Variants in FHOD3 observed in about 807,000 individuals in gnomAD.
FHOD3 encodes formin homology 2 domain containing 3.
FHOD3 carries 90 observed loss-of-function variants against 173.0 expected under a neutral mutation model. That is an observed-to-expected ratio of 0.52 (90% CI 0.44 to 0.62). The LOEUF is 0.62. Ranked by LOEUF, FHOD3 falls within the 20% of genes least tolerant of loss-of-function variation. The probability of loss-of-function intolerance (pLI) is 0.00; values close to 1 mark genes in which losing one functional copy is unlikely to be tolerated. For missense variants in FHOD3, 1,945 were observed against 2,034.7 expected (o/e 0.96, Z 0.85); for synonymous variants, 828 against 823.0 (o/e 1.01, Z -0.10).
intron 19 of FHOD3, among the ~76,000 whole-genome samples, chr18:36,722,883 A>G (rs2040860925): frequency 6.6e-6 from 1 of 152,174 alleles, no homozygotes; most frequent in Non-Finnish European, 1.5e-5. Flanking sequence ...TTTTCCTGAG[A>G]GGAGATAGAA....
intron 5 of FHOD3, among the ~76,000 whole-genome samples, chr18:36,550,069 TTCTA>T: frequency 6.6e-6 from 1 of 151,934 alleles, no homozygotes. Context: ...TGATCTTTTC[TTCTA>T]TCTTTTATTA....
At chr18:36,768,720 A>G (rs2043244818) in intron 27 of FHOD3, among the ~76,000 whole-genome samples, 1 of 152,210 alleles carries the variant, frequency 6.6e-6, no homozygotes, top group Non-Finnish European at 1.5e-5. Flanking sequence ...AAGGCTAGAT[A>G]ATTCAAAGAT....
rs1395173595 is a variant in FHOD3, at chr18:36,594,645, G to T, written c.607-142G>T. 4.9e-6 allele frequency: 3 copies of T among 613,018 alleles called. No individual in the cohort carries two copies. The Admixed American group carries it at 8.4e-5, about 17-fold the overall frequency. 38.0% of individuals were successfully genotyped at this position (613,018 alleles called of 1,614,324 possible). On this transcript the variant is annotated intron_variant, in intron 6 of 28. Coordinates refer to ENST00000590592, the MANE Select transcript of FHOD3 (RefSeq NM_001281740.3). ...CTTCTGAGGTGTCTAATGAGGGATT[G>T]TGAGGATCTGTGAAGGAATCTGTGT...
intron 3 of FHOD3, among the ~76,000 whole-genome samples, chr18:36,449,890 T>C (rs2051722740): frequency 6.6e-6 from 1 of 152,176 alleles, no homozygotes; most frequent in South Asian, 2.1e-4. Flanking sequence ...CATATTTCTT[T>C]TTCGGAATTT....
chr18:36,502,898 T>G (rs371341107), intron 4 of FHOD3, among the ~76,000 whole-genome samples: 1 of 152,224 alleles, frequency 6.6e-6, no homozygotes, highest in East Asian at 1.9e-4. Context: ...TTCTGCTTAC[T>G]GAGAATGGGA....
chr18:36,730,605 G>T (rs1355636237), intron 19 of FHOD3, 41 bp from the exon 20 acceptor site: 2 of 1,596,190 alleles, frequency 1.3e-6, no homozygotes, highest in Non-Finnish European at 1.7e-6. Flanking sequence ...AAGGACCCAA[G>T]ATGATGCATT....
chr18:36,387,060 C>A (rs1300415359), intron 3 of FHOD3, among the ~76,000 whole-genome samples: 1 of 152,120 alleles, frequency 6.6e-6, no homozygotes, highest in African/African-American at 2.4e-5. Flanking sequence ...GGCTTAGGAG[C>A]CAAAAATACC....
intron 27 of FHOD3, among the ~76,000 whole-genome samples, chr18:36,764,974 G>C (rs1363926110): frequency 6.6e-6 from 1 of 152,218 alleles, no homozygotes; most frequent in Non-Finnish European, 1.5e-5. Context: ...TGAGGATTGG[G>C]CTTATGGTAG....
intron 6 of FHOD3, among the ~76,000 whole-genome samples, chr18:36,577,755 A>G (rs537665371): frequency 6.6e-6 from 1 of 152,222 alleles, no homozygotes; most frequent in Non-Finnish European, 1.5e-5. Context: ...ACCACCAGCC[A>G]CGCCTTGGCT....
chr18:36,465,395 C>G (rs1051521303), intron 3 of FHOD3, among the ~76,000 whole-genome samples: 14 of 152,302 alleles, frequency 9.2e-5, no homozygotes, highest in South Asian at 8.3e-4. Context: ...GTGGCTGCCT[C>G]CAGAACCATG....
At chr18:36,692,559 C>G (rs988773114) in intron 16 of FHOD3, among the ~76,000 whole-genome samples, 2 of 152,080 alleles carry the variant, frequency 1.3e-5, no homozygotes, top group South Asian at 2.1e-4. Flanking sequence ...ACAGATGTAT[C>G]TTTGTTCTTT....
intron 3 of FHOD3, among the ~76,000 whole-genome samples, chr18:36,386,848 G>C (rs1420191988): frequency 6.6e-6 from 1 of 152,084 alleles, no homozygotes; most frequent in African/African-American, 2.4e-5. Flanking sequence ...AGCTTGGGGG[G>C]ATTGGAGAAG....
At chr18:36,414,542 G>A (rs555249210) in intron 3 of FHOD3, among the ~76,000 whole-genome samples, 57 of 152,332 alleles carry the variant, frequency 3.7e-4, no homozygotes, top group Middle Eastern at 3.4e-3. Context: ...CTTACCTGAA[G>A]GCTCCAGCCA....
chr18:36,578,011 A>G (rs1008005951), intron 6 of FHOD3, among the ~76,000 whole-genome samples: 1 of 152,210 alleles, frequency 6.6e-6, no homozygotes, highest in African/African-American at 2.4e-5. Flanking sequence ...TATGGAGATC[A>G]GAGTGGCTGT....
intron 3 of FHOD3, among the ~76,000 whole-genome samples, chr18:36,444,170 G>A (rs1455839794): frequency 7.2e-6 from 1 of 138,050 alleles, no homozygotes; most frequent in Non-Finnish European, 1.5e-5. Context: ...TCCAGCATGG[G>A]CGACAGAGTG....
At chr18:36,523,783 T>G (rs1009298408) in intron 5 of FHOD3, among the ~76,000 whole-genome samples, 2 of 152,154 alleles carry the variant, frequency 1.3e-5, no homozygotes, top group Non-Finnish European at 2.9e-5. Context: ...TGATTCTAAG[T>G]AAAATATAAA....
intron 9 of FHOD3, among the ~76,000 whole-genome samples, chr18:36,619,010 G>A (rs1342314097): frequency 1.3e-5 from 2 of 152,168 alleles, no homozygotes; most frequent in African/African-American, 2.4e-5. Flanking sequence ...GAAGTCAGCA[G>A]CCTTGGGGGC....
At chr18:36,320,356 C>T (rs2044332834) in intron 1 of FHOD3, among the ~76,000 whole-genome samples, 1 of 152,174 alleles carries the variant, frequency 6.6e-6, no homozygotes, top group East Asian at 1.9e-4. Context: ...CTATAAACAC[C>T]TCTATGCAAA....
rs1176767883 is a variant in FHOD3, at chr18:36,534,203, C to A, written c.511+21660C>A. Among the ~76,000 whole-genome samples the A allele has an allele frequency of 2.0e-5, 3 of 152,258 alleles. No individual in the cohort carries two copies. In the South Asian group the frequency reaches 6.2e-4, roughly 31 times the overall value. ...CCTGAAAAAACTGATCACAGCCCTG[C>A]TGCTGCTTCTCCTATGTGGTTTAGG... On this transcript the variant is annotated intron_variant, in intron 5 of 28. Transcript: ENST00000590592.
Sources: gnomAD v4.1 joint callset for allele counts (sites outside exome capture counted in the v4.1 genomes callset) on GRCh38, gnomAD v4.1.1 for gene constraint, MANE v1.5 for transcripts, NCBI Gene and HGNC (gene_info 2026-07-23, HGNC 2026-07-21) for gene names.